ROBO2: variants seen among roughly 807,000 people sequenced by gnomAD.
ROBO2 encodes roundabout guidance receptor 2.
ROBO2 carries 53 observed loss-of-function variants against 160.8 expected under a neutral mutation model. The ratio of observed to expected loss-of-function variants is 0.33; its 90% confidence interval spans 0.26 to 0.41. The LOEUF (loss-of-function observed/expected upper bound fraction) is 0.41. Among genes scored for constraint, ROBO2 ranks in the 10% least tolerant of loss-of-function variants. The pLI is 1.00. For synonymous variants in ROBO2, 664 were observed against 611.7 expected (o/e 1.09, Z -1.26); for missense variants, 1,577 against 1,722.4 (o/e 0.92, Z 1.49).
intron 2 of ROBO2, among the ~76,000 whole-genome samples, chr3:76,720,368 C>G (rs934465630): frequency 1.3e-5 from 2 of 152,272 alleles, no homozygotes; most frequent in African/African-American, 4.8e-5. Flanking sequence ...AGACAGAACA[C>G]TAGATTGGTT....
intron 2 of ROBO2, among the ~76,000 whole-genome samples, chr3:76,709,476 T>A (rs1269644393): frequency 1.3e-5 from 2 of 152,308 alleles, no homozygotes; most frequent in Admixed American, 1.3e-4. Context: ...TCCAGAAGAT[T>A]TTCACTTGTA....
chr3:76,711,210 A>T (rs994187830), intron 2 of ROBO2, among the ~76,000 whole-genome samples: 1 of 152,214 alleles, frequency 6.6e-6, no homozygotes, highest in African/African-American at 2.4e-5. Context: ...AGGAAGTCTC[A>T]GGAAACTTAT....
intron 2 of ROBO2, among the ~76,000 whole-genome samples, chr3:76,085,431 C>T (rs2068979049): frequency 6.6e-6 from 1 of 152,084 alleles, no homozygotes; most frequent in Non-Finnish European, 1.5e-5. Context: ...ACCACAAGCA[C>T]TGCATATCTT....
At chr3:76,355,063 T>TGTA (rs1559812079) in intron 2 of ROBO2, among the ~76,000 whole-genome samples, 1 of 151,610 alleles carries the variant, frequency 6.6e-6, no homozygotes, top group East Asian at 1.9e-4. Context: ...TGTGTGTGTA[T>TGTA]GTATGCATGG....
At chr3:76,805,808 A>G (rs2064657916) in intron 2 of ROBO2, among the ~76,000 whole-genome samples, 1 of 151,948 alleles carries the variant, frequency 6.6e-6, no homozygotes, top group Non-Finnish European at 1.5e-5. Flanking sequence ...GATCTTGCAC[A>G]GCTCCAAACA....
At chr3:76,018,544 G>T (rs2107650287) in intron 2 of ROBO2, among the ~76,000 whole-genome samples, 1 of 151,462 alleles carries the variant, frequency 6.6e-6, no homozygotes, top group Non-Finnish European at 1.5e-5. Context: ...TCTGTTTTCA[G>T]ACTTTATTGC....
intron 2 of ROBO2, among the ~76,000 whole-genome samples, chr3:76,327,316 T>G (rs1245177768): frequency 6.6e-6 from 1 of 152,138 alleles, no homozygotes; most frequent in Non-Finnish European, 1.5e-5. Context: ...GTAATATTTA[T>G]ATATTTGTTC....
intron 1 of ROBO2, among the ~76,000 whole-genome samples, chr3:77,087,393 G>T (rs1458967871): frequency 1.3e-5 from 2 of 152,100 alleles, no homozygotes; most frequent in Non-Finnish European, 2.9e-5. Context: ...TCCTGGAATA[G>T]GGATTGTTTT....
chr3:77,095,350 A>T (rs1380383436), intron 1 of ROBO2, among the ~76,000 whole-genome samples: 2 of 151,952 alleles, frequency 1.3e-5, no homozygotes, highest in Admixed American at 6.6e-5. Context: ...TAGCTTAGCT[A>T]TTTTTTCACT....
intron 2 of ROBO2, among the ~76,000 whole-genome samples, chr3:76,356,369 G>GA (rs1282381318): frequency 2.0e-5 from 3 of 150,962 alleles, no homozygotes; most frequent in African/African-American, 4.8e-5. Flanking sequence ...ATAGAATTAA[G>GA]AAAAAAAAGC....
chr3:77,178,271 G>T (rs957397727), intron 2 of ROBO2, among the ~76,000 whole-genome samples: 1 of 151,922 alleles, frequency 6.6e-6, no homozygotes, highest in African/African-American at 2.4e-5. Context: ...TCCATTGATC[G>T]TTTTGCCCTG....
intron 2 of ROBO2, among the ~76,000 whole-genome samples, chr3:76,229,251 TTTTA>T (rs1273881534): frequency 6.6e-6 from 1 of 152,198 alleles, no homozygotes; most frequent in Non-Finnish European, 1.5e-5. Flanking sequence ...AAACCAGAAT[TTTTA>T]TTTGCCTTTT....
chr3:76,054,487 T>C (rs1316818950), intron 2 of ROBO2, among the ~76,000 whole-genome samples: 1 of 152,204 alleles, frequency 6.6e-6, no homozygotes, highest in Non-Finnish European at 1.5e-5. Context: ...ATGGCTTTCA[T>C]TTTTCTATCC....
At chr3:77,011,858 G>T (rs1653609790) in intron 2 of ROBO2, among the ~76,000 whole-genome samples, 1 of 151,916 alleles carries the variant, frequency 6.6e-6, no homozygotes, top group Admixed American at 6.6e-5. Flanking sequence ...TTTCATCCAG[G>T]TTTCAAAATC....
In ROBO2 at chr3:77,343,057, GGAGA is replaced by G. The variant is rs766199289; in HGVS notation, c.389-134330_389-134327del. The stretch of plus-strand genomic sequence containing the variant: ...CACATGACAAAGGGGATAGGTAGAT[GGAGA>G]GAGAGAGAGAGAGAGAGAGAGAGAG... On this transcript the variant is annotated intron_variant, in intron 2 of 25. Transcript: ENST00000461745. 5.8e-3 allele frequency among the ~76,000 whole-genome samples: 372 copies of G among 63,688 alleles called. 2 individuals are homozygous for G. The highest frequency in any genetic ancestry group is 0.027 in the Middle Eastern group (3 of 110). The allele number at this position is 63,688 out of a possible 152,430, so 41.8% of individuals were successfully genotyped here.
intron 2 of ROBO2, among the ~76,000 whole-genome samples, chr3:76,066,830 T>C (rs996977264): frequency 2.6e-5 from 4 of 151,990 alleles, no homozygotes; most frequent in African/African-American, 9.7e-5. Context: ...TTTATATAAA[T>C]ATTAAAAGAT....
intron 2 of ROBO2, among the ~76,000 whole-genome samples, chr3:76,686,226 C>T (rs1484892913): frequency 2.0e-5 from 3 of 151,998 alleles, no homozygotes; most frequent in Non-Finnish European, 4.4e-5. Context: ...TAGGTGCTTA[C>T]AATGACTTTA....
At chr3:77,601,319 G>T (rs532706976) in intron 19 of ROBO2, among the ~76,000 whole-genome samples, 1 of 152,172 alleles carries the variant, frequency 6.6e-6, no homozygotes, top group East Asian at 1.9e-4. Context: ...AACGCTACAG[G>T]ATTAAAAACA....
At chr3:76,434,925 C>T in intron 2 of ROBO2, 1 of 1,600,230 alleles carries the variant, frequency 6.2e-7, no homozygotes, top group South Asian at 1.1e-5. Flanking sequence ...CCAAACCAGC[C>T]CATCCCCCAA....
Sources: allele counts gnomAD v4.1 joint callset (sites outside exome capture counted in the v4.1 genomes callset), GRCh38; gene constraint gnomAD v4.1.1; transcripts MANE v1.5; gene names NCBI Gene and HGNC (gene_info 2026-07-23, HGNC 2026-07-21).